Variants in TJP1 observed in about 807,000 individuals in gnomAD.
TJP1 encodes tight junction protein 1.
TJP1 carries 43 observed loss-of-function variants against 194.2 expected under a neutral mutation model. That is an observed-to-expected ratio of 0.22 (90% CI 0.17 to 0.29). The LOEUF (loss-of-function observed/expected upper bound fraction) is 0.29. TJP1 is among the 10% of genes least tolerant of loss of function. The pLI is 1.00. For synonymous variants in TJP1, 801 were observed against 779.0 expected (o/e 1.03, Z -0.47); for missense variants, 1,971 against 2,185.7 (o/e 0.90, Z 1.96).
Position 29,716,908 on chromosome 15 carries a change from A to G in TJP1, c.3975-70T>C, listed in dbSNP as rs2042604527. ...ATGTTATGAAGGAAGTAGAATATGT[A>G]AGTCTTATCTTGACTAAAAGGTCAA... On this transcript the variant is annotated intron_variant, in intron 22 of 27. Transcript: ENST00000614355. 5.2e-6 allele frequency: 7 copies of G among 1,348,344 alleles called. No homozygotes were observed. In the East Asian group the frequency reaches 1.6e-4, roughly 32 times the overall value. The allele number at this position is 1,348,344 out of a possible 1,614,324, so 83.5% of individuals were successfully genotyped here.
chr15:29,846,842 T>A (rs888201361), intron 2 of TJP1, among the ~76,000 whole-genome samples: 40 of 151,420 alleles, frequency 2.6e-4, no homozygotes, highest in Non-Finnish European at 5.9e-5. Flanking sequence ...AGGAGAATGG[T>A]GTGAACCTGG....
At chr15:29,824,206 G>A (rs2050605684), upstream of TJP1, 1 of 150,682 alleles carries the variant, frequency 6.6e-6, no homozygotes, top group African/African-American at 2.5e-5. Context: ...GCACTTGAGA[G>A]GCCAAGGCAG....
intron 23 of TJP1, among the ~76,000 whole-genome samples, chr15:29,715,240 T>C (rs140594676): frequency 5.3e-5 from 8 of 152,172 alleles, no homozygotes; most frequent in African/African-American, 1.7e-4. Flanking sequence ...ACCATCTAGA[T>C]GCCACAACCC....
intron 2 of TJP1, among the ~76,000 whole-genome samples, chr15:29,931,846 C>A (rs1344767909): frequency 6.6e-6 from 1 of 152,152 alleles, no homozygotes; most frequent in African/African-American, 2.4e-5. Flanking sequence ...TGCTGGTTGC[C>A]CATTTTTATG....
At chr15:29,740,483 T>C (rs1382487779) in intron 10 of TJP1, among the ~76,000 whole-genome samples, 1 of 151,844 alleles carries the variant, frequency 6.6e-6, no homozygotes, top group Non-Finnish European at 1.5e-5. Context: ...ATACAAAAAT[T>C]AGCTAGGTGT....
chr15:29,868,017 C>T (rs576998938), intron 2 of TJP1, among the ~76,000 whole-genome samples: 1 of 144,874 alleles, frequency 6.9e-6, no homozygotes, highest in South Asian at 2.2e-4. Flanking sequence ...GAGATCACAC[C>T]ACTGCACTCC....
chr15:29,869,768 C>T (rs1170396679), intron 2 of TJP1, among the ~76,000 whole-genome samples: 1 of 149,042 alleles, frequency 6.7e-6, no homozygotes, highest in African/African-American at 2.5e-5. Context: ...GAACGATATC[C>T]TTTCCCCTGT....
chr15:29,781,618 C>T (rs2151731880), intron 2 of TJP1, among the ~76,000 whole-genome samples: 2 of 152,316 alleles, frequency 1.3e-5, no homozygotes, highest in Middle Eastern at 6.8e-3. Flanking sequence ...TAATCCACCA[C>T]AATCAAGTAG....
At chr15:29,743,507 C>T (rs2044562309) in intron 8 of TJP1, among the ~76,000 whole-genome samples, 1 of 152,158 alleles carries the variant, frequency 6.6e-6, no homozygotes. Flanking sequence ...AAGAGGACTG[C>T]TTGAGCCCAG....
At chr15:29,888,597 A>T (rs866211929) in intron 2 of TJP1, among the ~76,000 whole-genome samples, 5 of 152,236 alleles carry the variant, frequency 3.3e-5, no homozygotes, top group African/African-American at 4.8e-5. Flanking sequence ...GCTATGAGGC[A>T]TTTAAATACA....
At chr15:29,868,417 G>C (rs2052381255) in intron 2 of TJP1, among the ~76,000 whole-genome samples, 1 of 152,146 alleles carries the variant, frequency 6.6e-6, no homozygotes, top group Non-Finnish European at 1.5e-5. Flanking sequence ...CTACATGTGA[G>C]CTCTAATACT....
At chr15:29,921,053 T>A (rs2054341985) in intron 2 of TJP1, among the ~76,000 whole-genome samples, 1 of 152,190 alleles carries the variant, frequency 6.6e-6, no homozygotes, top group South Asian at 2.1e-4. Flanking sequence ...ATATGAGCGT[T>A]CCCTGTAAAA....
At chr15:29,719,245 A>G in intron 20 of TJP1, 107 bp from the exon 21 acceptor site, 1 of 1,278,852 alleles carries the variant, frequency 7.8e-7, no homozygotes, top group South Asian at 1.6e-5. Context: ...TGAAAATGGT[A>G]TGTTTTACCA....
intron 2 of TJP1, among the ~76,000 whole-genome samples, chr15:29,781,168 G>A (rs1339531290): frequency 2.0e-5 from 3 of 152,044 alleles, no homozygotes; most frequent in African/African-American, 4.8e-5. Context: ...AGGAATACAA[G>A]TAACCATCAG....
At chr15:29,949,346 A>T (rs1451286181) in intron 2 of TJP1, among the ~76,000 whole-genome samples, 8 of 128,914 alleles carry the variant, frequency 6.2e-5, no homozygotes, top group East Asian at 5.4e-4. Context: ...CACCTCCACC[A>T]CCACCACCTC....
intron 16 of TJP1, 82 bp from the exon 17 acceptor site, chr15:29,727,073 T>G: frequency 8.0e-7 from 1 of 1,252,170 alleles, no homozygotes; most frequent in Non-Finnish European, 1.1e-6. Context: ...GTGCAGTGGC[T>G]CACGCTACGC....
rs79388100 is a variant in TJP1 at position 29,832,534 on chromosome 15, T to A, written c.307-31832A>T. Among the ~76,000 whole-genome samples the A allele has an allele frequency of 5.0e-3, 768 of 152,314 alleles. 28 individuals are homozygous for A. The East Asian group carries it at 0.095, about 19-fold the overall frequency. ...TAAACCTATAGAAGTACTATACACA[T>A]ATGCAGAAAACTGTCTTAGCTTCTT... On this transcript the variant is annotated intron_variant, in intron 2 of 28. Coordinates refer to the TJP1 transcript ENST00000356107.
chr15:29,752,401 G>A (rs926597920), intron 8 of TJP1, among the ~76,000 whole-genome samples: 5 of 152,116 alleles, frequency 3.3e-5, no homozygotes, highest in African/African-American at 4.8e-5. Flanking sequence ...ATCGTGCCTG[G>A]CCTACTTTCA....
chr15:29,939,947 G>T (rs1292572384), intron 2 of TJP1, among the ~76,000 whole-genome samples: 1 of 152,100 alleles, frequency 6.6e-6, no homozygotes, highest in Non-Finnish European at 1.5e-5. Context: ...CCCAGTTTAT[G>T]ATATTATGTT....
Sources: gnomAD v4.1 joint callset for allele counts (sites outside exome capture counted in the v4.1 genomes callset) on GRCh38, gnomAD v4.1.1 for gene constraint, MANE v1.5 for transcripts, NCBI Gene and HGNC (gene_info 2026-07-23, HGNC 2026-07-21) for gene names.